The following PDCD1LG2 variants were observed in gnomAD, a reference collection of about 807,000 sequenced individuals.
The protein encoded by PDCD1LG2 is programmed cell death 1 ligand 2.
In PDCD1LG2, 32 loss-of-function variants were observed where a neutral mutation model predicts 28.2. That is an observed-to-expected ratio of 1.13 (90% CI 0.86 to 1.52). The LOEUF is 1.52. PDCD1LG2 is among the 40% of genes most tolerant of loss of function. The pLI is 0.00. For missense variants in PDCD1LG2, 385 were observed against 323.8 expected (o/e 1.19, Z -1.45); for synonymous variants, 116 against 120.2 (o/e 0.97, Z 0.23).
chr9:5,569,339 G>T lies in PDCD1LG2; in HGVS notation c.817-615G>T, dbSNP rs1376599656. Reference sequence around the variant, plus strand: ...TATTCCTAGGTCTGAAGGAGAAAGGGGAGGGAGCAGTTCCCAGAACCCTAG... The same window carrying T: ...TATTCCTAGGTCTGAAGGAGAAAGGTGAGGGAGCAGTTCCCAGAACCCTAG... On this transcript the variant is annotated intron_variant, in intron 6 of 6. Transcript: ENST00000397747. The surrounding 1 kb of genome is among the most constrained non-coding windows in gnomAD (Gnocchi z 4.1). Among the ~76,000 whole-genome samples the T allele has an allele frequency of 6.6e-6, 1 of 152,174 alleles. No homozygotes were observed. Among genetic ancestry groups the T allele is most frequent in the Non-Finnish European group, 1.5e-5 (1 of 68,028 alleles).
intron 1 of PDCD1LG2, among the ~76,000 whole-genome samples, chr9:5,514,246 G>C (rs558945782): frequency 6.6e-6 from 1 of 152,240 alleles, no homozygotes; most frequent in South Asian, 2.1e-4. Context: ...TTGTATACTA[G>C]AGCTTGGCAC....
chr9:5,554,620 G>C (rs895658176), intron 4 of PDCD1LG2, among the ~76,000 whole-genome samples: 5 of 152,220 alleles, frequency 3.3e-5, no homozygotes, highest in Non-Finnish European at 7.3e-5. Flanking sequence ...AAGTTAGGGA[G>C]CAACAGATCA....
At chr9:5,534,144 G>T (rs934869975) in intron 2 of PDCD1LG2, among the ~76,000 whole-genome samples, 9 of 152,220 alleles carry the variant, frequency 5.9e-5, no homozygotes, top group Admixed American at 2.6e-4. Flanking sequence ...CTTCTGGGAA[G>T]AAGCTCAGTG....
At chr9:5,534,639 G>C in intron 2 of PDCD1LG2, 106 bp from the exon 3 acceptor site, 2 of 968,780 alleles carry the variant, frequency 2.1e-6, no homozygotes, top group Non-Finnish European at 3.0e-6. Flanking sequence ...GATAAGACAG[G>C]TGCCTTTTGG....
rs1452161775 is a variant in PDCD1LG2 at position 5,549,419 on chromosome 9, C to A, written c.446C>A (p.Pro149His). Reference sequence around the variant, plus strand: ...CTCACCTGCCAGGCTACAGGTTATCCTCTGGCAGAAGTATCCTGGCCAAAC... The same window carrying A: ...CTCACCTGCCAGGCTACAGGTTATCATCTGGCAGAAGTATCCTGGCCAAAC... ...VELTCQATGY[P>H]LAEVSWPNVS... is the part of the protein sequence containing the mutation. Residue 149 changes from proline (P) to histidine (H), a missense_variant, in exon 4 of 7, where the codon CCT becomes CAT. By Grantham distance (77) the Pro-to-His change is moderately conservative (BLOSUM62 -2). Transcript: ENST00000397747. The A allele has an allele frequency of 6.2e-7, 1 of 1,614,174 alleles. No individual in the cohort carries two copies. The highest frequency in any genetic ancestry group is 1.1e-5 in the South Asian group (1 of 91,082).
At chr9:5,550,507 T>C (rs920122500) in intron 4 of PDCD1LG2, among the ~76,000 whole-genome samples, 1 of 152,220 alleles carries the variant, frequency 6.6e-6, no homozygotes, top group African/African-American at 2.4e-5. Context: ...AAAGCCAGAC[T>C]TGAGTTTCAC....
rs139256736 is a variant in PDCD1LG2 at position 5,548,570 on chromosome 9, T to G, written c.362-765T>G. Among the ~76,000 whole-genome samples, 53 of 152,322 alleles carry G rather than the reference T, an allele frequency of 3.5e-4. 1 individual carries two copies. The highest frequency in any genetic ancestry group is 7.4e-4 in the Non-Finnish European group (50 of 68,022). On this transcript the variant is annotated intron_variant, in intron 3 of 6. Coordinates refer to ENST00000397747, the MANE Select transcript of PDCD1LG2 (RefSeq NM_025239.4). ...TTCTATTTTTAGTTTTTTGAGGACC[T>G]CTATACTATTTTCCAAAATGACTAT... is the stretch of plus-strand genomic sequence containing the variant.
At chr9:5,556,349 C>G (rs1002968178) in intron 4 of PDCD1LG2, among the ~76,000 whole-genome samples, 4 of 152,070 alleles carry the variant, frequency 2.6e-5, no homozygotes, top group African/African-American at 9.7e-5. Flanking sequence ...TATGGGTTAT[C>G]CAATGTTTGG....
chr9:5,542,163 C>A (rs1820699607), intron 3 of PDCD1LG2, among the ~76,000 whole-genome samples: 1 of 152,102 alleles, frequency 6.6e-6, no homozygotes, highest in South Asian at 2.1e-4. Context: ...TCATATCTTA[C>A]CTTATAAAAA....
chr9:5,555,575 C>G (rs907729266), intron 4 of PDCD1LG2, among the ~76,000 whole-genome samples: 1 of 152,212 alleles, frequency 6.6e-6, no homozygotes, highest in Non-Finnish European at 1.5e-5. Flanking sequence ...ATCTTTCGTT[C>G]CATGTAACAC....
chr9:5,534,942 G>A lies in PDCD1LG2; in HGVS notation c.253G>A (p.Ala85Thr), dbSNP rs1413071177. 6.2e-7 allele frequency: 1 copy of A among 1,614,122 alleles called. No individual in the cohort carries two copies. Among genetic ancestry groups the A allele is most frequent in the East Asian group, 2.2e-5 (1 of 44,882 alleles). ...LLEEQLPLGK[A>T]SFHIPQVQVR... ...GGAGGAGCAGCTGCCCCTAGGGAAGGCCTCGTTCCACATACCTCAAGTCCA... is the reference window on the plus strand; with the variant it reads ...GGAGGAGCAGCTGCCCCTAGGGAAGACCTCGTTCCACATACCTCAAGTCCA... Residue 85 changes from alanine (A) to threonine (T), a missense_variant, in exon 3 of 7, where the codon GCC becomes ACC. Coordinates refer to ENST00000397747, the MANE Select transcript of PDCD1LG2 (RefSeq NM_025239.4).
chr9:5,549,782 A>G (rs1816291336), intron 4 of PDCD1LG2, among the ~76,000 whole-genome samples, 178 bp downstream of exon 4: 1 of 152,230 alleles, frequency 6.6e-6, no homozygotes, highest in Non-Finnish European at 1.5e-5. Flanking sequence ...TGGGAGGGCA[A>G]TTACCACTGT....
Position 5,569,724 on chromosome 9 carries a change from T to C in PDCD1LG2, c.817-230T>C, listed in dbSNP as rs1306729201. On this transcript the variant is annotated intron_variant, in intron 6 of 6. Coordinates refer to ENST00000397747, the MANE Select transcript of PDCD1LG2 (RefSeq NM_025239.4). The surrounding 1 kb of genome is among the most constrained non-coding windows in gnomAD (Gnocchi z 4.1). The stretch of plus-strand genomic sequence containing the variant: ...ACTGAACTATGTGTGGCCCAAAGAA[T>C]GGAAGAGGAACAGCTCTTGCAATAG... Among the ~76,000 whole-genome samples, 1 of 152,132 alleles carries C rather than the reference T, an allele frequency of 6.6e-6. No individual in the cohort carries two copies. Among genetic ancestry groups the C allele is most frequent in the African/African-American group, 2.4e-5 (1 of 41,420 alleles).
At chr9:5,552,326 G>A (rs769204837) in intron 4 of PDCD1LG2, among the ~76,000 whole-genome samples, 2 of 152,136 alleles carry the variant, frequency 1.3e-5, no homozygotes, top group Non-Finnish European at 2.9e-5. Flanking sequence ...AGGTGGCCAG[G>A]CCAGTAGCAG....
chr9:5,534,806 C>G lies in PDCD1LG2; in HGVS notation c.117C>G (p.Thr39=), dbSNP rs2129792727. 1 of 1,614,034 alleles carries G rather than the reference C, an allele frequency of 6.2e-7. No individual in the cohort carries two copies. The highest frequency in any genetic ancestry group is 8.5e-7 in the Non-Finnish European group (1 of 1,179,964). The change falls in exon 3 of 7, where the codon ACC becomes ACG. Residue 39 remains threonine, a synonymous_variant. Transcript: ENST00000397747. ...LYIIEHGSNV[T]LECNFDTGSH... ...TAATAGAGCATGGCAGCAATGTGACCCTGGAATGCAACTTTGACACTGGAA... is the reference window on the plus strand; with the variant it reads ...TAATAGAGCATGGCAGCAATGTGACGCTGGAATGCAACTTTGACACTGGAA...
chr9:5,550,784 C>T (rs1188422709), intron 4 of PDCD1LG2, among the ~76,000 whole-genome samples: 6 of 152,124 alleles, frequency 3.9e-5, no homozygotes, highest in Admixed American at 3.9e-4. Flanking sequence ...ACCCCTGCCT[C>T]CCGGGTTCAA....
intron 4 of PDCD1LG2, among the ~76,000 whole-genome samples, chr9:5,555,983 T>C (rs540807669): frequency 6.6e-6 from 1 of 152,360 alleles, no homozygotes. Context: ...CTAGGTGGAC[T>C]AGAAAAGAGA....
At chr9:5,567,261 G>C (rs541985643) in intron 6 of PDCD1LG2, among the ~76,000 whole-genome samples, 1 of 152,310 alleles carries the variant, frequency 6.6e-6, no homozygotes, top group Non-Finnish European at 1.5e-5. Flanking sequence ...AAATGTGATG[G>C]ATATGCTCTA....
chr9:5,528,966 T>A (rs542894081), intron 2 of PDCD1LG2, among the ~76,000 whole-genome samples: 20 of 152,258 alleles, frequency 1.3e-4, no homozygotes, highest in African/African-American at 4.8e-4. Context: ...TGACCTCAAG[T>A]GGCCCACCCA....
Sources: gnomAD v4.1 joint callset for allele counts (sites outside exome capture counted in the v4.1 genomes callset) on GRCh38, gnomAD v4.1.1 for gene constraint, Gnocchi (gnomAD v3.1) non-coding constraint, MANE v1.5 for transcripts, NCBI Gene and HGNC (gene_info 2026-07-23, HGNC 2026-07-21) for gene names.